The following FBXO45 variants were observed in gnomAD, a reference collection of about 807,000 sequenced individuals.
FBXO45 encodes F-box/SPRY domain-containing protein 1.
In FBXO45, 3 loss-of-function variants were observed where a neutral mutation model predicts 25.5. The observed-to-expected ratio is 0.12, with a 90% CI of 0.05 to 0.30. The LOEUF (loss-of-function observed/expected upper bound fraction) is 0.30. Ranked by LOEUF, FBXO45 falls within the 10% of genes least tolerant of loss-of-function variation. FBXO45 has a pLI of 1.00. For missense variants in FBXO45, 219 were observed against 365.0 expected (o/e 0.60, Z 3.26); for synonymous variants, 155 against 149.8 (o/e 1.03, Z -0.25).
intron 1 of FBXO45, among the ~76,000 whole-genome samples, chr3:196,571,489 G>T (rs1735825938): frequency 6.6e-6 from 1 of 152,146 alleles, no homozygotes; most frequent in African/African-American, 2.4e-5. Flanking sequence ...GCCTCCCAAA[G>T]TGCTGGGGTT....
rs1197419267 is a variant in FBXO45 at position 196,585,538 on chromosome 3, A to C, written c.*1220A>C. Reference sequence around the variant, plus strand: ...AATCTCATTATAGATAATTGCCCCCATGGGACTTGAAATACAACACCTTGT... The same window carrying C: ...AATCTCATTATAGATAATTGCCCCCCTGGGACTTGAAATACAACACCTTGT... On this transcript the variant is annotated 3_prime_UTR_variant, in exon 3 of 3. Coordinates refer to ENST00000311630, the MANE Select transcript of FBXO45 (RefSeq NM_001105573.2). 1 of 152,192 alleles carries C rather than the reference A, an allele frequency of 6.6e-6. No homozygotes were observed. Among genetic ancestry groups the C allele is most frequent in the Non-Finnish European group, 1.5e-5 (1 of 68,012 alleles). 9.4% of individuals were successfully genotyped at this position (152,192 alleles called of 1,614,324 possible). A position where few individuals can be genotyped will look rare whatever the true frequency, so the allele number is the denominator to read the frequency against.
chr3:196,580,426 G>A (rs1262050326), intron 2 of FBXO45, among the ~76,000 whole-genome samples: 1 of 152,020 alleles, frequency 6.6e-6, no homozygotes, highest in African/African-American at 2.4e-5. Context: ...TGGCCAGGCT[G>A]GTCTCGAACT....
chr3:196,585,057 T>A lies in FBXO45; in HGVS notation c.*739T>A, dbSNP rs1736081496. ...GACTCATTTTGTATTATTTTTGGCT[T>A]ACAGTTCCCATAGCTGTTAGAGTCT... On this transcript the variant is annotated 3_prime_UTR_variant, in exon 3 of 3. Transcript: ENST00000311630. 1 of 152,224 alleles carries A rather than the reference T, an allele frequency of 6.6e-6. No homozygotes were observed. Among genetic ancestry groups the A allele is most frequent in the Non-Finnish European group, 1.5e-5 (1 of 68,034 alleles). The allele number at this position is 152,224 out of a possible 1,614,324, so 9.4% of individuals were successfully genotyped here.
rs1736120583 is a variant in FBXO45, at chr3:196,586,914, C to A, written c.*2596C>A. 1 of 151,966 alleles carries A rather than the reference C, an allele frequency of 6.6e-6. No individual in the cohort carries two copies. The highest frequency in any genetic ancestry group is 1.5e-5 in the Non-Finnish European group (1 of 67,984). The allele number at this position is 151,966 out of a possible 1,614,324, so 9.4% of individuals were successfully genotyped here. On this transcript the variant is annotated 3_prime_UTR_variant, in exon 3 of 3. Coordinates refer to ENST00000311630, the MANE Select transcript of FBXO45 (RefSeq NM_001105573.2). The stretch of plus-strand genomic sequence containing the variant: ...ATCTGCAAAATAGAAAAAAAAAAAT[C>A]CTTGCTCCCTCCCTTCACTACCTCA...
chr3:196,583,464 C>T (rs1317065616), intron 2 of FBXO45, among the ~76,000 whole-genome samples: 2 of 150,282 alleles, frequency 1.3e-5, no homozygotes, highest in Admixed American at 6.6e-5. Context: ...TGAGATTGCA[C>T]CACTGCACTC....
intron 2 of FBXO45, among the ~76,000 whole-genome samples, chr3:196,581,976 C>A (rs556311021): frequency 9.9e-5 from 15 of 152,226 alleles, no homozygotes; most frequent in African/African-American, 3.4e-4. Flanking sequence ...TTACCCTGTG[C>A]CTTTGTAATA....
chr3:196,572,869 G>A (rs1039291286), intron 1 of FBXO45, among the ~76,000 whole-genome samples: 5 of 152,088 alleles, frequency 3.3e-5, no homozygotes, highest in Non-Finnish European at 7.4e-5. Flanking sequence ...GAGGAAGAGG[G>A]AAGTGGTAAG....
intron 2 of FBXO45, among the ~76,000 whole-genome samples, 168 bp downstream of exon 2, chr3:196,577,977 TAATG>T (rs1735942942): frequency 7.1e-6 from 1 of 140,266 alleles, no homozygotes; most frequent in Non-Finnish European, 1.6e-5. Context: ...TTTTTTTTTT[TAATG>T]TTAGGGGGTT....
At chr3:196,576,681 T>C (rs1735919199) in intron 1 of FBXO45, among the ~76,000 whole-genome samples, 1 of 152,252 alleles carries the variant, frequency 6.6e-6, no homozygotes, top group Non-Finnish European at 1.5e-5. Context: ...AAGAGTCAAC[T>C]AACTTGTCTT....
chr3:196,577,822 G>T lies in FBXO45; in HGVS notation c.675+13G>T. 1 of 1,537,034 alleles carries T rather than the reference G, an allele frequency of 6.5e-7. No individual in the cohort carries two copies. Among genetic ancestry groups the T allele is most frequent in the Non-Finnish European group, 8.9e-7 (1 of 1,126,802 alleles). On this transcript the variant is annotated intron_variant, in intron 2 of 2. Coordinates refer to ENST00000311630, the MANE Select transcript of FBXO45 (RefSeq NM_001105573.2). ...ACCAAAATATCAGGTGAGAAACTGG[G>T]GTTTTTCTCAAGTATGGGCCTTTGT...
At position 196,581,729 on chromosome 3, in the gene FBXO45, C is replaced by CT. The variant is rs756161253; in HGVS notation, c.676-2400dup. ...AAATATGAATCACGCTTTCCTGTTT[C>CT]TTTTCATATCTAGTAATTTTTTTAA... On this transcript the variant is annotated intron_variant, in intron 2 of 2. Coordinates refer to ENST00000311630, the MANE Select transcript of FBXO45 (RefSeq NM_001105573.2). Among the ~76,000 whole-genome samples the CT allele has an allele frequency of 2.4e-4, 36 of 152,172 alleles. 1 individual carries two copies. Among genetic ancestry groups the CT allele is most frequent in the Middle Eastern group, 3.4e-3 (1 of 294 alleles).
intron 1 of FBXO45, among the ~76,000 whole-genome samples, chr3:196,575,475 AAAGG>A (rs1428254816): frequency 1.3e-5 from 2 of 148,624 alleles, no homozygotes; most frequent in Non-Finnish European, 3.0e-5. Context: ...AAAAAAAAGA[AAAGG>A]AAGTTTAAGG....
At chr3:196,570,156 C>G (rs780662443) in intron 1 of FBXO45, among the ~76,000 whole-genome samples, 2 of 152,086 alleles carry the variant, frequency 1.3e-5, no homozygotes, top group African/African-American at 2.4e-5. Context: ...TGGTTAACAG[C>G]TATTCAGTAT....
chr3:196,580,139 T>A (rs1005312125), intron 2 of FBXO45, among the ~76,000 whole-genome samples: 5 of 151,940 alleles, frequency 3.3e-5, no homozygotes, highest in African/African-American at 4.8e-5. Context: ...ATTAGAGGCA[T>A]GCGCCTCTAA....
At chr3:196,583,168 G>A (rs192304600) in intron 2 of FBXO45, among the ~76,000 whole-genome samples, 61 of 152,222 alleles carry the variant, frequency 4.0e-4, no homozygotes, top group African/African-American at 1.4e-3. Flanking sequence ...GTCTATCTAT[G>A]TTGTAGCATA....
Position 196,584,403 on chromosome 3 carries a change from A to T in FBXO45, c.*85A>T. On this transcript the variant is annotated 3_prime_UTR_variant, in exon 3 of 3. Coordinates refer to ENST00000311630, the MANE Select transcript of FBXO45 (RefSeq NM_001105573.2). This position sits in a 1 kb window ranked among gnomAD's most constrained non-coding sequence, Gnocchi z 4.3. ...ACCATGAAGTGACTGTCACACATGC[A>T]TGTCCAAGAAACATCCTGAAAACAC... 8.3e-7 allele frequency: 1 copy of T among 1,201,968 alleles called. No individual in the cohort carries two copies. The highest frequency in any genetic ancestry group is 1.1e-6 in the Non-Finnish European group (1 of 875,652). The allele number at this position is 1,201,968 out of a possible 1,614,324, so 74.5% of individuals were successfully genotyped here. A position where few individuals can be genotyped will look rare whatever the true frequency, so the allele number is the denominator to read the frequency against.
At chr3:196,578,653 A>G (rs913554540) in intron 2 of FBXO45, among the ~76,000 whole-genome samples, 1 of 152,202 alleles carries the variant, frequency 6.6e-6, no homozygotes, top group African/African-American at 2.4e-5. Context: ...GCTGCAGGAC[A>G]GATTTGGTCC....
At chr3:196,583,952 G>A (rs1469851233) in intron 2 of FBXO45, among the ~76,000 whole-genome samples, 181 bp from the exon 3 acceptor site, 3 of 152,148 alleles carry the variant, frequency 2.0e-5, no homozygotes, top group Non-Finnish European at 4.4e-5. Flanking sequence ...CACTATGCCC[G>A]GCCAGATGTA....
intron 1 of FBXO45, among the ~76,000 whole-genome samples, chr3:196,575,681 C>CTT (rs549432229): frequency 0.026 from 3,703 of 141,676 alleles, 142 homozygotes; most frequent in African/African-American, 0.08. Context: ...TTCTTTGTTT[C>CTT]TTTTTTTTTT....
Sources: gnomAD v4.1 joint callset for allele counts (sites outside exome capture counted in the v4.1 genomes callset) on GRCh38, gnomAD v4.1.1 for gene constraint, Gnocchi (gnomAD v3.1) non-coding constraint, MANE v1.5 for transcripts, NCBI Gene and HGNC (gene_info 2026-07-23, HGNC 2026-07-21) for gene names.